Variants in KDR observed in about 807,000 individuals in gnomAD.
KDR encodes vascular endothelial growth factor receptor 2.
KDR carries 43 observed loss-of-function variants against 160.9 expected under a neutral mutation model. The ratio of observed to expected loss-of-function variants is 0.27; its 90% CI spans 0.21 to 0.34. The LOEUF is 0.34. Ranked by LOEUF, KDR falls within the 10% of genes least tolerant of loss-of-function variation. The pLI, the probability that KDR is intolerant of heterozygous loss-of-function variation, is 1.00. For synonymous variants in KDR, 617 were observed against 600.1 expected (o/e 1.03, Z -0.41); for missense variants, 1,469 against 1,666.4 (o/e 0.88, Z 2.06).
intron 10 of KDR, 97 bp from the exon 11 acceptor site, chr4:55,106,907 T>C (rs1578135615): frequency 5.5e-6 from 6 of 1,089,084 alleles, no homozygotes; most frequent in Non-Finnish European, 8.5e-6. Flanking sequence ...ATTCTGTTCT[T>C]AGAAATAACT....
intron 3 of KDR, 82 bp from the exon 4 acceptor site, chr4:55,115,493 C>A (rs1720712810): frequency 1.3e-6 from 1 of 769,328 alleles, no homozygotes; most frequent in African/African-American, 1.7e-5. Flanking sequence ...TAAACTCTAA[C>A]CAGACAAGTG....
At chr4:55,088,091 C>T (rs1719907520) in intron 26 of KDR, among the ~76,000 whole-genome samples, 1 of 152,158 alleles carries the variant, frequency 6.6e-6, no homozygotes, top group Non-Finnish European at 1.5e-5. Flanking sequence ...TCACAAAGCC[C>T]TAACCACACG....
Position 55,087,768 on chromosome 4 carries a change from T to C in KDR, c.3511-10A>G. 6.2e-7 allele frequency: 1 copy of C among 1,614,028 alleles called. No homozygotes were observed. The stretch of plus-strand genomic sequence containing the variant: ...TGTAGTCTTTGCCATCCTGAAACAA[T>C]AAACACAGAAGACTGTTGTTATGGC... On this transcript the variant is annotated splice_polypyrimidine_tract_variant and intron_variant, in intron 26 of 29. Transcript: ENST00000263923.
At chr4:55,083,834 G>A (rs560661881) in intron 27 of KDR, among the ~76,000 whole-genome samples, 5 of 152,276 alleles carry the variant, frequency 3.3e-5, no homozygotes, top group East Asian at 3.9e-4. Flanking sequence ...GAGATTTTCC[G>A]GTGACATCCT....
chr4:55,120,688 C>T (rs1246514353), intron 2 of KDR, among the ~76,000 whole-genome samples: 2 of 152,128 alleles, frequency 1.3e-5, no homozygotes, highest in Non-Finnish European at 2.9e-5. Context: ...GTTCAAGAAT[C>T]ATACCAAGCA....
rs201155074 is a variant in KDR at position 55,114,809 on chromosome 4, G to A, written c.658+65C>T. The stretch of plus-strand genomic sequence containing the variant: ...TCAATATCCTTCTTCACTCTATGTT[G>A]TTATCTCCAAGATCTTAATACAAGG... On this transcript the variant is annotated intron_variant, in intron 5 of 29. Coordinates refer to ENST00000263923, the MANE Select transcript of KDR (RefSeq NM_002253.4). 1.2e-4 allele frequency: 168 copies of A among 1,390,510 alleles called. 1 individual carries two copies. The East Asian group carries it at 3.8e-3, about 32-fold the overall frequency. The allele number at this position is 1,390,510 out of a possible 1,614,324, so 86.1% of individuals were successfully genotyped here.
intron 27 of KDR, among the ~76,000 whole-genome samples, chr4:55,083,746 C>T (rs1560512007): frequency 6.6e-6 from 1 of 151,924 alleles, no homozygotes; most frequent in Non-Finnish European, 1.5e-5. Flanking sequence ...GACCTTGGGC[C>T]AAAGGAGAAG....
At position 55,118,561 on chromosome 4, in the gene KDR, C is replaced by G. The variant is rs186084824; in HGVS notation, c.358+43G>C. 3.7e-5 allele frequency: 55 copies of G among 1,476,576 alleles called. No individual in the cohort carries two copies. In the African/African-American group the frequency reaches 5.4e-4, roughly 14 times the overall value. The allele number at this position is 1,476,576 out of a possible 1,614,324, so 91.5% of individuals were successfully genotyped here. A position where few individuals can be genotyped will look rare whatever the true frequency, so the allele number is the denominator to read the frequency against. On this transcript the variant is annotated intron_variant, in intron 3 of 29. Transcript: ENST00000263923. ...TCTTTGAGCCTATTGTCTTTTATAA[C>G]TGGTAAAGAGACGTGGGAAATGAAT...
intron 7 of KDR, among the ~76,000 whole-genome samples, chr4:55,111,790 G>A (rs1298574433): frequency 6.6e-6 from 1 of 152,188 alleles, no homozygotes; most frequent in East Asian, 1.9e-4. Context: ...TCTTGCTAGG[G>A]ATGCCACGTG....
At chr4:55,120,045 C>T (rs143623629) in intron 2 of KDR, among the ~76,000 whole-genome samples, 101 of 151,876 alleles carry the variant, frequency 6.7e-4, no homozygotes, top group African/African-American at 2.3e-3. Context: ...TATCGAGGGT[C>T]GGTAAAAGGA....
chr4:55,120,092 T>C (rs1458833203), intron 2 of KDR, among the ~76,000 whole-genome samples: 1 of 152,154 alleles, frequency 6.6e-6, no homozygotes, highest in Non-Finnish European at 1.5e-5. Flanking sequence ...CAAGTAAAGC[T>C]AGAGAAACAG....
intron 27 of KDR, among the ~76,000 whole-genome samples, chr4:55,086,933 G>T (rs1167098443): frequency 6.6e-6 from 1 of 152,170 alleles, no homozygotes; most frequent in African/African-American, 2.4e-5. Context: ...TTAGTAAAGG[G>T]CAATTTTAAT....
intron 1 of KDR, among the ~76,000 whole-genome samples, chr4:55,124,152 A>G (rs1720968218): frequency 1.3e-5 from 2 of 152,146 alleles, no homozygotes. Flanking sequence ...TGTGGGTGTG[A>G]GTGTCTTCTA....
chr4:55,110,625 G>A (rs1257457108), intron 8 of KDR, 29 bp downstream of exon 8: 6 of 1,610,206 alleles, frequency 3.7e-6, no homozygotes, highest in South Asian at 1.1e-5. Flanking sequence ...CACACGAAAT[G>A]ATGCTTTGCA....
intron 3 of KDR, among the ~76,000 whole-genome samples, chr4:55,115,962 G>A (rs958671986): frequency 1.6e-4 from 24 of 152,264 alleles, no homozygotes; most frequent in African/African-American, 5.3e-4. Context: ...TTATTCAAGA[G>A]GACCATTCAT....
chr4:55,080,137 T>C lies in KDR; in HGVS notation c.3875A>G (p.Glu1292Gly). The change falls in exon 30 of 30, where the codon GAG (glutamate) becomes GGG (glycine). Residue 1292 changes from glutamate to glycine, a missense_variant. Glu to Gly is a moderately conservative substitution (Grantham distance 98). Around this residue, in one of 7 missense-constraint regions of KDR, gnomAD observed 229 missense variants for 197.8 expected, o/e 1.16. Transcript: ENST00000263923. ...GTTTGAGCCTTCAGATGCCACAGAC[T>C]CCCTGCTTTTGCTGGGCACCATTCC... Reference protein sequence around the residue: ...FGGMVPSKSRESVASEGSNQT... With the variant: ...FGGMVPSKSRGSVASEGSNQT... 6.2e-7 allele frequency: 1 copy of C among 1,613,568 alleles called. No homozygotes were observed. Among genetic ancestry groups the C allele is most frequent in the Non-Finnish European group, 8.5e-7 (1 of 1,180,028 alleles).
chr4:55,080,565 T>C (rs1373833164), intron 29 of KDR, among the ~76,000 whole-genome samples: 1 of 152,264 alleles, frequency 6.6e-6, no homozygotes, highest in East Asian at 1.9e-4. Context: ...TCACTTGTGC[T>C]TTTCCTATTG....
At chr4:55,097,558 G>A (rs903930220) in intron 18 of KDR, 104 bp downstream of exon 18, 9 of 764,140 alleles carry the variant, frequency 1.2e-5, no homozygotes, top group Non-Finnish European at 2.1e-5. Context: ...TGCATGTGTG[G>A]CTAGTAGGCC....
intron 27 of KDR, among the ~76,000 whole-genome samples, chr4:55,086,550 T>A (rs1388937849): frequency 1.3e-5 from 2 of 152,234 alleles, no homozygotes; most frequent in South Asian, 2.1e-4. Flanking sequence ...CTACCTTGCC[T>A]GACTCTGAGT....
Sources: allele counts gnomAD v4.1 joint callset (sites outside exome capture counted in the v4.1 genomes callset), GRCh38; gene constraint gnomAD v4.1.1; regional missense constraint gnomAD v4.1.1; transcripts MANE v1.5; gene names NCBI Gene and HGNC (gene_info 2026-07-23, HGNC 2026-07-21).